Variants in AGBL1 observed in about 807,000 individuals in gnomAD.
AGBL1 encodes AGBL carboxypeptidase 1, also known as cytosolic carboxypeptidase 4.
In AGBL1, 130 loss-of-function variants were observed where a neutral mutation model predicts 118.9. The observed-to-expected ratio is 1.09, with a 90% CI of 0.95 to 1.26. The LOEUF is 1.26. Ranked by LOEUF, AGBL1 falls within the 50% of genes most tolerant of loss-of-function variation. The pLI, the probability that AGBL1 is intolerant of heterozygous loss-of-function variation, is 0.00. For missense variants in AGBL1, 1,584 were observed against 1,298.1 expected, an observed-to-expected ratio of 1.22 and a Z score of -3.38; for synonymous variants, 555 against 478.9, an observed-to-expected ratio of 1.16 and a Z score of -2.08.
intron 22 of AGBL1, among the ~76,000 whole-genome samples, chr15:86,762,045 G>A (rs1253243097): frequency 6.6e-6 from 1 of 151,972 alleles, no homozygotes; most frequent in Non-Finnish European, 1.5e-5. Context: ...GCCATAAAAA[G>A]GAATGAGATT....
At chr15:86,647,129 T>C (rs752863944) in intron 21 of AGBL1, among the ~76,000 whole-genome samples, 1 of 152,176 alleles carries the variant, frequency 6.6e-6, no homozygotes, top group Non-Finnish European at 1.5e-5. Flanking sequence ...AATTGATTTA[T>C]ATAACAATCA....
chr15:86,780,088 G>T (rs1284855296), intron 22 of AGBL1, among the ~76,000 whole-genome samples: 1 of 152,086 alleles, frequency 6.6e-6, no homozygotes, highest in Non-Finnish European at 1.5e-5. Flanking sequence ...CCTCCTATGT[G>T]TTTTTAAACC....
intron 5 of AGBL1, among the ~76,000 whole-genome samples, chr15:86,209,507 G>T (rs184691340): frequency 6.6e-6 from 1 of 152,250 alleles, no homozygotes; most frequent in African/African-American, 2.4e-5. Context: ...CTCCTCTATT[G>T]GGTGCATATA....
chr15:86,147,689 C>T (rs936100957), intron 3 of AGBL1, among the ~76,000 whole-genome samples: 1 of 152,212 alleles, frequency 6.6e-6, no homozygotes, highest in Non-Finnish European at 1.5e-5. Context: ...CATAGCTGAA[C>T]AAAAGGCAGC....
At chr15:86,710,573 T>C (rs1053892123) in intron 22 of AGBL1, among the ~76,000 whole-genome samples, 4 of 152,152 alleles carry the variant, frequency 2.6e-5, no homozygotes, top group Non-Finnish European at 4.4e-5. Flanking sequence ...GATTACCCTT[T>C]AAAATTAAAT....
At chr15:86,722,365 C>T (rs895547857) in intron 22 of AGBL1, among the ~76,000 whole-genome samples, 1 of 152,156 alleles carries the variant, frequency 6.6e-6, no homozygotes, top group Admixed American at 6.5e-5. Context: ...TATCTACAAC[C>T]ATCTGATCTT....
chr15:86,270,083 G>T lies in AGBL1; in HGVS notation c.1987+16G>T. 4 of 1,603,182 alleles carry T rather than the reference G, an allele frequency of 2.5e-6. No homozygotes were observed. Among genetic ancestry groups the T allele is most frequent in the Non-Finnish European group, 3.4e-6 (4 of 1,174,718 alleles). On this transcript the variant is annotated intron_variant, in intron 14 of 22. Transcript: ENST00000614907. ...TTTAATTATGGTATGAACGCTTGGG[G>T]AGCAGGGGCTTTCTGGAACATGCCA...
In AGBL1 at chr15:86,761,524, C is replaced by T. The variant is rs556200194; in HGVS notation, c.3158+87088C>T. Among the ~76,000 whole-genome samples, 11 of 152,174 alleles carry T rather than the reference C, an allele frequency of 7.2e-5. No individual in the cohort carries two copies. In the South Asian group the frequency reaches 2.1e-3, roughly 29 times the overall value. On this transcript the variant is annotated intron_variant, in intron 22 of 22. Transcript: ENST00000614907. The stretch of plus-strand genomic sequence containing the variant: ...GGGAGGGTCACTGTAGCTGAATCTT[C>T]ATCAGCTCTGTGGTAAATTTGCTTC...
chr15:86,488,124 A>G (rs573152431), intron 18 of AGBL1, among the ~76,000 whole-genome samples: 65 of 152,184 alleles, frequency 4.3e-4, no homozygotes, highest in African/African-American at 1.5e-3. Context: ...TAACAGCTGG[A>G]AGTTGATGGC....
chr15:86,767,363 C>G (rs1410515385), intron 22 of AGBL1, among the ~76,000 whole-genome samples: 1 of 151,894 alleles, frequency 6.6e-6, no homozygotes, highest in Non-Finnish European at 1.5e-5. Context: ...TAAAGCCAAG[C>G]TAGGGAAAGA....
intron 6 of AGBL1, among the ~76,000 whole-genome samples, chr15:86,245,633 T>G (rs1474168037): frequency 6.6e-6 from 1 of 152,192 alleles, no homozygotes; most frequent in Non-Finnish European, 1.5e-5. Flanking sequence ...CTTCCTCTGT[T>G]TTAAGTCCGT....
intron 17 of AGBL1, among the ~76,000 whole-genome samples, chr15:86,350,901 G>C (rs555491169): frequency 6.6e-6 from 1 of 152,288 alleles, no homozygotes; most frequent in South Asian, 2.1e-4. Flanking sequence ...ATCCGTTGGA[G>C]AGTTTTCAAT....
At chr15:86,479,672 T>C (rs1378401386) in intron 18 of AGBL1, among the ~76,000 whole-genome samples, 1 of 152,184 alleles carries the variant, frequency 6.6e-6, no homozygotes, top group African/African-American at 2.4e-5. Context: ...TGGAAGACAG[T>C]GTGGCGATTC....
chr15:86,956,212 AT>A (rs2080928922), intron 23 of AGBL1, among the ~76,000 whole-genome samples: 1 of 126,476 alleles, frequency 7.9e-6, no homozygotes, highest in Non-Finnish European at 1.7e-5. Context: ...TAGATAGATG[AT>A]TGATTAGATA....
chr15:86,251,244 G>C (rs749081764), intron 7 of AGBL1, among the ~76,000 whole-genome samples: 3 of 152,156 alleles, frequency 2.0e-5, no homozygotes, highest in Non-Finnish European at 4.4e-5. Context: ...GCTAGGATTG[G>C]AATCTGGTAG....
In AGBL1 at chr15:86,801,822, A is replaced by T. The variant is rs996984085; in HGVS notation, c.3159-105265A>T. 4.6e-5 allele frequency among the ~76,000 whole-genome samples: 7 copies of T among 152,072 alleles called. 1 individual carries two copies. The highest frequency in any genetic ancestry group is 1.7e-4 in the African/African-American group (7 of 41,418). On this transcript the variant is annotated intron_variant, in intron 22 of 22. Coordinates refer to ENST00000614907, the MANE Select transcript of AGBL1 (RefSeq NM_001386094.1). ...AAGCAAGTACTAGTAAATAGAAAAG[A>T]TCATTGCTGTGGTTATTACATGTGC... is the stretch of plus-strand genomic sequence containing the variant.
downstream of AGBL1, among the ~76,000 whole-genome samples, chr15:86,918,629 T>C (rs145035816): frequency 1.3e-5 from 2 of 152,314 alleles, no homozygotes; most frequent in East Asian, 3.9e-4. Flanking sequence ...CACGTACCTA[T>C]TAATTTAAAT....
intron 17 of AGBL1, among the ~76,000 whole-genome samples, chr15:86,395,137 A>T (rs2081344578): frequency 6.6e-6 from 1 of 152,112 alleles, no homozygotes; most frequent in Admixed American, 6.6e-5. Flanking sequence ...AGAATGTCTG[A>T]TCTACAGGAT....
intron 17 of AGBL1, among the ~76,000 whole-genome samples, chr15:86,353,136 C>T (rs2080657380): frequency 6.6e-6 from 1 of 152,138 alleles, no homozygotes; most frequent in Admixed American, 6.5e-5. Context: ...TTTCCTTGGT[C>T]CAACAATTCA....
Sources: gnomAD v4.1 joint callset for allele counts (sites outside exome capture counted in the v4.1 genomes callset) on GRCh38, gnomAD v4.1.1 for gene constraint, MANE v1.5 for transcripts, NCBI Gene and HGNC (gene_info 2026-07-23, HGNC 2026-07-21) for gene names.